Variants in SLC25A21 observed in about 807,000 individuals in gnomAD.
SLC25A21 encodes solute carrier family 25 member 21.
SLC25A21 carries 47 observed loss-of-function variants against 43.8 expected under a neutral mutation model. The ratio of observed to expected loss-of-function variants is 1.07; its 90% CI spans 0.85 to 1.37. SLC25A21 has a LOEUF of 1.37. SLC25A21 is among the 40% of genes most tolerant of loss of function. The pLI, the probability that SLC25A21 is intolerant of heterozygous loss-of-function variation, is 0.00. For missense variants in SLC25A21, 352 were observed against 350.2 expected (o/e 1.00, Z -0.04); for synonymous variants, 131 against 121.3 (o/e 1.08, Z -0.52).
intron 2 of SLC25A21, among the ~76,000 whole-genome samples, chr14:36,873,738 G>A (rs1476603086): frequency 6.6e-6 from 1 of 152,108 alleles, no homozygotes; most frequent in Non-Finnish European, 1.5e-5. Flanking sequence ...GGGTGATTAG[G>A]TTTAAATGAG....
intron 1 of SLC25A21, among the ~76,000 whole-genome samples, chr14:37,020,399 T>A (rs1960958826): frequency 6.6e-6 from 1 of 151,640 alleles, no homozygotes; most frequent in South Asian, 2.1e-4. Flanking sequence ...CATTTAGAGA[T>A]TCACCTAATC....
At chr14:36,902,384 T>C (rs1013442372) in intron 1 of SLC25A21, among the ~76,000 whole-genome samples, 9 of 152,112 alleles carry the variant, frequency 5.9e-5, no homozygotes, top group Admixed American at 2.6e-4. Flanking sequence ...AGCTCTACTC[T>C]GGTGGCTAGT....
At chr14:36,947,754 T>C (rs1416733189) in intron 1 of SLC25A21, among the ~76,000 whole-genome samples, 1 of 152,206 alleles carries the variant, frequency 6.6e-6, no homozygotes, top group Non-Finnish European at 1.5e-5. Flanking sequence ...GGGTATTTTA[T>C]ATTAAACCAT....
intron 1 of SLC25A21, among the ~76,000 whole-genome samples, chr14:37,036,772 G>A (rs920839276): frequency 1.3e-5 from 2 of 152,130 alleles, no homozygotes; most frequent in Non-Finnish European, 2.9e-5. Context: ...ATGAATAAGG[G>A]GAAGTGGTTT....
chr14:37,093,572 C>T (rs958319853), intron 1 of SLC25A21, among the ~76,000 whole-genome samples: 7 of 152,316 alleles, frequency 4.6e-5, no homozygotes, highest in Admixed American at 3.9e-4. Context: ...ACTAATTACT[C>T]CCACAGGTGG....
intron 4 of SLC25A21, among the ~76,000 whole-genome samples, chr14:36,730,973 G>GTTT (rs869254850): frequency 2.5e-4 from 20 of 80,108 alleles, no homozygotes; most frequent in African/African-American, 5.9e-4. Flanking sequence ...ATAATCTTAG[G>GTTT]TTTTTTTTTT....
intron 1 of SLC25A21, among the ~76,000 whole-genome samples, chr14:37,125,640 G>C (rs1243641219): frequency 1.3e-5 from 2 of 152,180 alleles, no homozygotes; most frequent in African/African-American, 4.8e-5. Context: ...GGTTAAGTGA[G>C]AGTAACAACT....
At chr14:37,158,682 A>T (rs1358029308) in intron 1 of SLC25A21, among the ~76,000 whole-genome samples, 3 of 152,150 alleles carry the variant, frequency 2.0e-5, no homozygotes, top group Non-Finnish European at 4.4e-5. Flanking sequence ...CTGGTTCTGG[A>T]TGCCCACTTT....
intron 6 of SLC25A21, among the ~76,000 whole-genome samples, chr14:36,715,961 C>A (rs6571759): frequency 0.2 from 29,718 of 151,782 alleles, 3,141 homozygotes; most frequent in Admixed American, 0.33. Context: ...CATGGTGGTG[C>A]GGGCCTGTAG....
intron 1 of SLC25A21, among the ~76,000 whole-genome samples, chr14:36,976,960 C>T (rs376732479): frequency 7.2e-5 from 11 of 152,288 alleles, no homozygotes; most frequent in Admixed American, 1.3e-4. Context: ...TTTCTCAGCC[C>T]GAACACAGGT....
intron 3 of SLC25A21, among the ~76,000 whole-genome samples, chr14:36,786,252 A>G (rs141024542): frequency 1.3e-3 from 195 of 152,278 alleles, no homozygotes; most frequent in African/African-American, 4.5e-3. Flanking sequence ...CAGAGTAGGC[A>G]CTCATTAAAG....
At chr14:37,082,229 C>T (rs1314060865) in intron 1 of SLC25A21, among the ~76,000 whole-genome samples, 6 of 152,116 alleles carry the variant, frequency 3.9e-5, no homozygotes, top group Admixed American at 3.9e-4. Flanking sequence ...CTCTGGACTA[C>T]TAGAGGGTAG....
chr14:36,891,446 T>C (rs763363389), intron 1 of SLC25A21, among the ~76,000 whole-genome samples: 1 of 152,098 alleles, frequency 6.6e-6, no homozygotes, highest in African/African-American at 2.4e-5. Flanking sequence ...TAGAGCAAAA[T>C]GTGAAGAGCA....
rs142698003 is a variant in SLC25A21 at position 36,926,151 on chromosome 14, C to T, written c.71-51147G>A. 4.3e-3 allele frequency among the ~76,000 whole-genome samples: 649 copies of T among 152,174 alleles called. 3 individuals are homozygous for T. The highest frequency in any genetic ancestry group is 0.027 in the Middle Eastern group (8 of 294). ...AAAAATTGATGGCATTGAAATTAGACAGAATATGATTTCTGACCGTAACAG... is the reference window on the plus strand; with the variant it reads ...AAAAATTGATGGCATTGAAATTAGATAGAATATGATTTCTGACCGTAACAG... On this transcript the variant is annotated intron_variant, in intron 1 of 9. Transcript: ENST00000331299.
At chr14:37,078,861 G>C (rs1345708250) in intron 1 of SLC25A21, among the ~76,000 whole-genome samples, 1 of 143,176 alleles carries the variant, frequency 7.0e-6, no homozygotes, top group Non-Finnish European at 1.5e-5. Context: ...TTTTCTCTTT[G>C]CATGTTTTAA....
At chr14:36,922,802 C>T (rs955752804) in intron 1 of SLC25A21, among the ~76,000 whole-genome samples, 1 of 152,062 alleles carries the variant, frequency 6.6e-6, no homozygotes, top group Non-Finnish European at 1.5e-5. Context: ...TCCTTAAAAA[C>T]TTAAGAACCA....
intron 1 of SLC25A21, among the ~76,000 whole-genome samples, chr14:37,016,431 T>C (rs1404919847): frequency 6.6e-6 from 1 of 152,164 alleles, no homozygotes; most frequent in African/African-American, 2.4e-5. Flanking sequence ...TACCATGCTG[T>C]TTTGGTTACT....
intron 1 of SLC25A21, among the ~76,000 whole-genome samples, chr14:36,977,887 C>T (rs893854875): frequency 5.3e-5 from 8 of 150,586 alleles, no homozygotes; most frequent in Non-Finnish European, 8.8e-5. Flanking sequence ...GATATGCGCT[C>T]AGAGATTTTT....
At chr14:36,852,806 C>T (rs1594641370) in intron 2 of SLC25A21, among the ~76,000 whole-genome samples, 1 of 151,574 alleles carries the variant, frequency 6.6e-6, no homozygotes, top group Non-Finnish European at 1.5e-5. Flanking sequence ...ACACAGCTGA[C>T]CATATTTAGG....
Sources: gnomAD v4.1 joint callset for allele counts (sites outside exome capture counted in the v4.1 genomes callset) on GRCh38, gnomAD v4.1.1 for gene constraint, MANE v1.5 for transcripts, NCBI Gene and HGNC (gene_info 2026-07-23, HGNC 2026-07-21) for gene names.